NREP: variants seen among roughly 807,000 people sequenced by gnomAD.
The protein encoded by NREP is neuronal regeneration related protein, also known as neuronal regeneration-related protein.
Under a neutral mutation model 8.6 loss-of-function variants are expected in NREP, and 5 were observed. That is an observed-to-expected ratio of 0.58 (90% CI 0.30 to 1.22). The LOEUF is 1.22. NREP is among the 50% of genes most tolerant of loss of function. The pLI is 0.07. For synonymous variants in NREP, 27 were observed against 28.0 expected, an observed-to-expected ratio of 0.96 and a Z score of 0.11; for missense variants, 86 against 82.5, an observed-to-expected ratio of 1.04 and a Z score of -0.17.
At chr5:111,842,499 G>A (rs796672455) in intron 2 of NREP, among the ~76,000 whole-genome samples, 1 of 151,962 alleles carries the variant, frequency 6.6e-6, no homozygotes, top group African/African-American at 2.4e-5. Flanking sequence ...CTTCTGCCCC[G>A]ACATTTTATG....
chr5:111,756,211 T>G, intron 1 of NREP: 1 of 1,009,958 alleles, frequency 9.9e-7, no homozygotes, highest in East Asian at 8.7e-5. Flanking sequence ...GACGACAGAA[T>G]AGGAATCAGC....
intron 2 of NREP, among the ~76,000 whole-genome samples, chr5:111,740,835 C>T (rs1309145928): frequency 6.6e-6 from 1 of 152,182 alleles, no homozygotes; most frequent in African/African-American, 2.4e-5. Context: ...AAATTTGAAT[C>T]ATATCTACTT....
chr5:111,950,772 A>C (rs1299329157), intron 2 of NREP, among the ~76,000 whole-genome samples: 1 of 152,070 alleles, frequency 6.6e-6, no homozygotes, highest in African/African-American at 2.4e-5. Flanking sequence ...TCAAAAGAAG[A>C]CATTTCTGTG....
chr5:111,794,246 G>T (rs1751824965), intron 2 of NREP, among the ~76,000 whole-genome samples: 1 of 152,136 alleles, frequency 6.6e-6, no homozygotes, highest in African/African-American at 2.4e-5. Flanking sequence ...CAGTCATTTG[G>T]GAAGACAGTT....
At chr5:111,750,866 G>T (rs924629931) in intron 2 of NREP, among the ~76,000 whole-genome samples, 4 of 152,162 alleles carry the variant, frequency 2.6e-5, no homozygotes, top group Non-Finnish European at 4.4e-5. Context: ...GCTGGGAAAG[G>T]TTAGCCATTG....
In NREP at chr5:111,730,609, G is replaced by A. The variant is rs552712767; in HGVS notation, c.*312C>T. ...GTGAGTGAAAAGGCAGGAGTGGACC[G>A]GTTGTGTGAGCGCGGTGGGAGTTTG... is the stretch of plus-strand genomic sequence containing the variant. On this transcript the variant is annotated 3_prime_UTR_variant, in exon 4 of 4. Coordinates refer to ENST00000257435, the MANE Select transcript of NREP (RefSeq NM_004772.4). 8.8e-6 allele frequency: 2 copies of A among 227,200 alleles called. No individual in the cohort carries two copies. The highest frequency in any genetic ancestry group is 9.6e-5 in the South Asian group (1 of 10,424). 14.1% of individuals were successfully genotyped at this position (227,200 alleles called of 1,614,324 possible). A position where few individuals can be genotyped will look rare whatever the true frequency, so the allele number is the denominator to read the frequency against.
intron 2 of NREP, among the ~76,000 whole-genome samples, chr5:111,894,699 G>A (rs376302044): frequency 1.0e-3 from 152 of 152,210 alleles, no homozygotes; most frequent in Admixed American, 2.0e-3. Flanking sequence ...CAGGCTGCCC[G>A]CATGAATTTT....
upstream of NREP, among the ~76,000 whole-genome samples, chr5:111,762,502 C>T (rs1308515247): frequency 6.6e-5 from 10 of 151,832 alleles, no homozygotes; most frequent in Non-Finnish European, 1.3e-4. Flanking sequence ...CTCTCAGTAC[C>T]TCAGAATGTG....
intron 2 of NREP, among the ~76,000 whole-genome samples, chr5:111,957,644 G>T (rs1756361906): frequency 6.6e-6 from 1 of 151,572 alleles, no homozygotes; most frequent in Non-Finnish European, 1.5e-5. Flanking sequence ...GAACATGAAT[G>T]CAAAATTTTT....
rs540681511 is a variant in NREP, at chr5:111,969,391, T to C, written c.135+5883A>G. 6 of 152,326 alleles carry C rather than the reference T, an allele frequency of 3.9e-5. No individual in the cohort carries two copies. The South Asian group carries it at 1.0e-3, about 26-fold the overall frequency. The allele number at this position is 152,326 out of a possible 1,614,324, so 9.4% of individuals were successfully genotyped here. A position where few individuals can be genotyped will look rare whatever the true frequency, so the allele number is the denominator to read the frequency against. ...TTGTGGGAAAGGCATAAAGATTTCA[T>C]ACACTTGCAAGCTTAACCTGAGTGT... On this transcript the variant is annotated intron_variant, in intron 2 of 3. Transcript: ENST00000395634.
At chr5:111,912,785 C>T (rs1255862023) in intron 2 of NREP, 2 of 152,080 alleles carry the variant, frequency 1.3e-5, no homozygotes, top group African/African-American at 4.8e-5. Flanking sequence ...CAGCCTTCTG[C>T]ACTTAATAGG....
chr5:111,887,030 C>T (rs1018923680), intron 2 of NREP, among the ~76,000 whole-genome samples: 36 of 151,714 alleles, frequency 2.4e-4, no homozygotes, highest in African/African-American at 8.2e-4. Context: ...CTCAAGTGAT[C>T]CTCATGCCTC....
At chr5:111,768,524 C>T (rs1211597392) in intron 2 of NREP, among the ~76,000 whole-genome samples, 1 of 152,030 alleles carries the variant, frequency 6.6e-6, no homozygotes, top group Non-Finnish European at 1.5e-5. Flanking sequence ...CTCTCTCTGC[C>T]CCCTCTAGTA....
At chr5:111,746,037 C>G (rs1749981784) in intron 2 of NREP, among the ~76,000 whole-genome samples, 1 of 152,070 alleles carries the variant, frequency 6.6e-6, no homozygotes, top group Non-Finnish European at 1.5e-5. Context: ...CAATCACAGT[C>G]AAAGATGTAG....
At chr5:111,742,777 A>G (rs761222854) in intron 2 of NREP, among the ~76,000 whole-genome samples, 3 of 152,116 alleles carry the variant, frequency 2.0e-5, no homozygotes, top group Non-Finnish European at 4.4e-5. Flanking sequence ...GTTGTGCAAC[A>G]TCGTGTTCCT....
chr5:111,874,397 A>G (rs1420871463), intron 2 of NREP, among the ~76,000 whole-genome samples: 1 of 152,186 alleles, frequency 6.6e-6, no homozygotes, highest in Non-Finnish European at 1.5e-5. Flanking sequence ...TTGATTCTCA[A>G]ATGACTTTTT....
rs185698839 is a variant in NREP at position 111,730,532 on chromosome 5, A to T, written c.*389T>A. 66 of 122,060 alleles carry T rather than the reference A, an allele frequency of 5.4e-4. 1 individual carries two copies. The East Asian group carries it at 0.012, about 23-fold the overall frequency. 7.6% of individuals were successfully genotyped at this position (122,060 alleles called of 1,614,324 possible). ...CTAGGTTTGTTACATCTAAATGAAA[A>T]AAAAGGTGGGGGGGGGACTCTCAGC... is the stretch of plus-strand genomic sequence containing the variant. On this transcript the variant is annotated 3_prime_UTR_variant, in exon 4 of 4. Coordinates refer to ENST00000257435, the MANE Select transcript of NREP (RefSeq NM_004772.4).
chr5:111,758,365 T>TA (rs201534483), upstream of NREP: 881 of 643,178 alleles, frequency 1.4e-3, 8 homozygotes, highest in African/African-American at 0.016. Context: ...TTGTACTTTT[T>TA]AAAATCGAGG....
intron 2 of NREP, chr5:111,755,460 TCACAA>T (rs1183473491): frequency 2.7e-6 from 1 of 370,376 alleles, no homozygotes. Flanking sequence ...TCCATGCGTG[TCACAA>T]CACATCACTC....
Sources: allele counts gnomAD v4.1 joint callset (sites outside exome capture counted in the v4.1 genomes callset), GRCh38; gene constraint gnomAD v4.1.1; transcripts MANE v1.5; gene names NCBI Gene and HGNC (gene_info 2026-07-23, HGNC 2026-07-21).